The following GRID2IP variants were observed in gnomAD, a reference collection of about 807,000 sequenced individuals.
GRID2IP encodes the protein delphilin.
In GRID2IP, 78 loss-of-function variants were observed where a neutral mutation model predicts 114.3. That is an observed-to-expected ratio of 0.68 (90% CI 0.57 to 0.82). The LOEUF (loss-of-function observed/expected upper bound fraction) is 0.82, where lower values mean the gene tolerates loss of function less well. Among genes scored for constraint, GRID2IP ranks in the 40% least tolerant of loss-of-function variants. The pLI, the probability that GRID2IP is intolerant of heterozygous loss-of-function variation, is 0.00. For missense variants in GRID2IP, 1,727 were observed against 1,678.5 expected, an observed-to-expected ratio of 1.03 and a Z score of -0.51; for synonymous variants, 809 against 724.0, an observed-to-expected ratio of 1.12 and a Z score of -1.89.
rs564254806 is a variant in GRID2IP at position 6,528,653 on chromosome 7, G to A, written c.585-1884C>T. Among the ~76,000 whole-genome samples the A allele has an allele frequency of 9.9e-5, 15 of 152,258 alleles. No individual in the cohort carries two copies. In the South Asian group the frequency reaches 1.9e-3, roughly 19 times the overall value. ...ACAAACCCCTCTGAGGTGTCCCAGCGGCCCTCACACTTCCCTCCACCTCTG... is the reference window on the plus strand; with the variant it reads ...ACAAACCCCTCTGAGGTGTCCCAGCAGCCCTCACACTTCCCTCCACCTCTG... On this transcript the variant is annotated intron_variant, in intron 2 of 21. Transcript: ENST00000457091. The surrounding 1 kb of genome is among the most constrained non-coding windows in gnomAD (Gnocchi z 6.0).
In GRID2IP at chr7:6,496,964, C is replaced by A. The variant is rs1786271928; in HGVS notation, c.*810G>T. ...CACATCCCAGATTGTGTCATCTGCCCCCACACCTGCCCCGGTCTCATGACT... is the reference window on the plus strand; with the variant it reads ...CACATCCCAGATTGTGTCATCTGCCACCACACCTGCCCCGGTCTCATGACT... On this transcript the variant is annotated 3_prime_UTR_variant, in exon 22 of 22. Transcript: ENST00000457091. Among the ~76,000 whole-genome samples the A allele has an allele frequency of 6.6e-6, 1 of 152,090 alleles. No individual in the cohort carries two copies. The highest frequency in any genetic ancestry group is 1.5e-5 in the Non-Finnish European group (1 of 68,028).
chr7:6,513,511 C>T (rs1051948251), intron 8 of GRID2IP, among the ~76,000 whole-genome samples: 2 of 152,036 alleles, frequency 1.3e-5, no homozygotes, highest in African/African-American at 2.4e-5. Flanking sequence ...TGAGCCACCA[C>T]GTCCAGCCTT....
Position 6,521,578 on chromosome 7 carries a change from CCA to C in GRID2IP, c.990-57_990-56del. On this transcript the variant is annotated intron_variant, in intron 5 of 21. Coordinates refer to ENST00000457091, the MANE Select transcript of GRID2IP (RefSeq NM_001145118.2). This position sits in a 1 kb window ranked among gnomAD's most constrained non-coding sequence, Gnocchi z 4.1. ...TGACTGGGGTGAGCCCTGTCCACGGCCACCAGCCAGACCTCCCTGTCCTGCCC... is the reference window on the plus strand; with the variant it reads ...TGACTGGGGTGAGCCCTGTCCACGGCCCAGCCAGACCTCCCTGTCCTGCCC... The C allele has an allele frequency of 1.5e-6, 2 of 1,335,740 alleles. No individual in the cohort carries two copies. The highest frequency in any genetic ancestry group is 2.1e-6 in the Non-Finnish European group (2 of 973,564). The allele number at this position is 1,335,740 out of a possible 1,614,324, so 82.7% of individuals were successfully genotyped here.
At chr7:6,498,897 CTG>C (rs896756373) in intron 20 of GRID2IP, among the ~76,000 whole-genome samples, 2 of 152,064 alleles carry the variant, frequency 1.3e-5, no homozygotes, top group African/African-American at 4.8e-5. Flanking sequence ...AGGCCTTACT[CTG>C]TTTTCTAGAG....
rs145602922 is a variant in GRID2IP at position 6,505,780 on chromosome 7, G to A, written c.2632+40C>T. The A allele has an allele frequency of 1.4e-3, 1,787 of 1,314,526 alleles. 18 individuals are homozygous for A. In the African/African-American group the frequency reaches 0.023, roughly 17 times the overall value. The allele number at this position is 1,314,526 out of a possible 1,614,324, so 81.4% of individuals were successfully genotyped here. On this transcript the variant is annotated intron_variant, in intron 14 of 21. Coordinates refer to ENST00000457091, the MANE Select transcript of GRID2IP (RefSeq NM_001145118.2). ...TAAGCCTGGGGCTGCCACAGATGGT[G>A]TGGTATCTGGGGTTCCCCCAAGGCC...
Position 6,497,815 on chromosome 7 carries a change from C to G in GRID2IP, c.3595G>C (p.Gly1199Arg). 3 of 1,550,242 alleles carry G rather than the reference C, an allele frequency of 1.9e-6. No homozygotes were observed. Reference protein sequence around the residue: ...RALSDLQAGEGLRSSGMVSPL... With the variant: ...RALSDLQAGERLRSSGMVSPL... ...GAAACCATCCCGGAGCTGCGCAGGCCCTCCCCGGCCTGCAGGTCACTCAGC... is the reference window on the plus strand; with the variant it reads ...GAAACCATCCCGGAGCTGCGCAGGCGCTCCCCGGCCTGCAGGTCACTCAGC... Residue 1199 changes from glycine (G) to arginine (R), a missense_variant, in exon 22 of 22, where the codon GGC becomes CGC. Coordinates refer to ENST00000457091, the MANE Select transcript of GRID2IP (RefSeq NM_001145118.2).
intron 2 of GRID2IP, among the ~76,000 whole-genome samples, chr7:6,531,610 C>T (rs1365738109): frequency 6.6e-6 from 1 of 152,206 alleles, no homozygotes; most frequent in African/African-American, 2.4e-5. Context: ...GGGAGGGACC[C>T]ACCTCAGCCT....
rs1394665501 is a variant in GRID2IP, at chr7:6,516,119, AAT to A, written c.1269-1592_1269-1591del. 6.4e-4 allele frequency among the ~76,000 whole-genome samples: 44 copies of A among 68,450 alleles called. No homozygotes were observed. The highest frequency in any genetic ancestry group is 4.7e-3 in the East Asian group (9 of 1,904). The allele number at this position is 68,450 out of a possible 152,430, so 44.9% of individuals were successfully genotyped here. A position where few individuals can be genotyped will look rare whatever the true frequency, so the allele number is the denominator to read the frequency against. On this transcript the variant is annotated intron_variant, in intron 7 of 21. Transcript: ENST00000457091. The surrounding 1 kb of genome is among the most constrained non-coding windows in gnomAD (Gnocchi z 4.3). ...CTCAAAATAATAATAATAAAAAATAAATAAATAAATAAATAAAAATAAAGTAG... is the reference window on the plus strand; with the variant it reads ...CTCAAAATAATAATAATAAAAAATAAAAATAAATAAATAAAAATAAAGTAG...
chr7:6,550,657 C>CAAAAAAAAAAAAAAAAAAAA (rs71008400), intron 1 of GRID2IP, among the ~76,000 whole-genome samples: 1 of 97,106 alleles, frequency 1.0e-5, no homozygotes, highest in Non-Finnish European at 2.1e-5. Context: ...CTAAAAATAC[C>CAAAAAAAAAAAAAAAAAAAA]AAAAAAAAAA....
rs1786463486 is a variant in GRID2IP at position 6,503,089 on chromosome 7, C to T, written c.2982G>A (p.Glu994=). ...HFQATLQEKT[E]EIRGSLECLR... The stretch of plus-strand genomic sequence containing the variant: ...AGCATTCAAGGCTGCCTCGGATCTC[C>T]TCTGTCTTCTCCTGGAGGGTGGCCT... The change falls in exon 17 of 22, where the codon GAG becomes GAA. Residue 994 remains glutamate, a synonymous_variant. Coordinates refer to ENST00000457091, the MANE Select transcript of GRID2IP (RefSeq NM_001145118.2). 2 of 1,551,396 alleles carry T rather than the reference C, an allele frequency of 1.3e-6. No homozygotes were observed. Among genetic ancestry groups the T allele is most frequent in the East Asian group, 2.4e-5 (1 of 40,918 alleles).
At chr7:6,522,907 C>T (rs1315001664) in intron 4 of GRID2IP, among the ~76,000 whole-genome samples, 4 of 151,900 alleles carry the variant, frequency 2.6e-5, no homozygotes, top group East Asian at 1.9e-4. Flanking sequence ...TCAAGTGATC[C>T]GCCCGCCTTG....
rs892947173 is a variant in GRID2IP at position 6,506,579 on chromosome 7, C to A, written c.2545-672G>T. Among the ~76,000 whole-genome samples the A allele has an allele frequency of 6.6e-6, 1 of 152,132 alleles. No individual in the cohort carries two copies. The highest frequency in any genetic ancestry group is 1.5e-5 in the Non-Finnish European group (1 of 68,024). ...CCACCTTTGGTAACCAATGGAAGAA[C>A]CACGCTGTGGAGCAATACTTGAAGA... On this transcript the variant is annotated intron_variant, in intron 13 of 21. Transcript: ENST00000457091. The surrounding 1 kb of genome is among the most constrained non-coding windows in gnomAD (Gnocchi z 5.2).
At chr7:6,518,650 C>T (rs1010190339) in intron 7 of GRID2IP, among the ~76,000 whole-genome samples, 4 of 151,906 alleles carry the variant, frequency 2.6e-5, no homozygotes, top group Admixed American at 6.6e-5. Context: ...GCAGGAGAAT[C>T]GCTTGAACCC....
Position 6,526,375 on chromosome 7 carries a change from T to A in GRID2IP, c.834-66A>T. ...GGCCCTGGGGCGCAGAGGTTGGAGA[T>A]GTCCCGTGTCCCTCTCCCCTTAACC... On this transcript the variant is annotated intron_variant, in intron 3 of 21. Transcript: ENST00000457091. This position sits in a 1 kb window ranked among gnomAD's most constrained non-coding sequence, Gnocchi z 7.6. 4.0e-6 allele frequency: 6 copies of A among 1,500,544 alleles called. No individual in the cohort carries two copies. The highest frequency in any genetic ancestry group is 2.0e-5 in the Admixed American group (1 of 50,910). 93.0% of individuals were successfully genotyped at this position (1,500,544 alleles called of 1,614,324 possible).
At position 6,505,832 on chromosome 7, in the gene GRID2IP, G is replaced by A; in HGVS notation, c.2620C>T (p.Gln874Ter). ...YLDLELHFGTQKPAKPVPGPE... is the reference protein window; with the variant it reads ...YLDLELHFGT ...TCAGGCCACTCACTAGCAGGTTTCT[G>A]GGTGCCGAAGTGGAGCTCCAGGTCG... Residue 874 changes from glutamine to a stop codon, truncating the protein, a stop_gained, in exon 14 of 22, where the codon CAG becomes TAG. Transcript: ENST00000457091. LOFTEE classifies it high-confidence loss of function. 1 of 1,551,236 alleles carries A rather than the reference G, an allele frequency of 6.4e-7. No homozygotes were observed.
Position 6,521,956 on chromosome 7 carries a change from C to T in GRID2IP, c.921G>A (p.Gly307=). 1.3e-6 allele frequency: 2 copies of T among 1,551,052 alleles called. No individual in the cohort carries two copies. The highest frequency in any genetic ancestry group is 1.7e-6 in the Non-Finnish European group (2 of 1,146,596). ...GPVWIESVLP[G]SPADNAALKS... is the part of the protein sequence containing the mutation. Reference sequence around the variant, plus strand: ...TGAGGGCAGCATTGTCAGCTGGGCTCCCTGGAAGCAAGAAGAGAGGGTGTG... The same window carrying T: ...TGAGGGCAGCATTGTCAGCTGGGCTTCCTGGAAGCAAGAAGAGAGGGTGTG... Residue 307 remains glycine, a splice_region_variant and synonymous_variant, in exon 5 of 22, where the codon GGG becomes GGA. Coordinates refer to ENST00000457091, the MANE Select transcript of GRID2IP (RefSeq NM_001145118.2). The surrounding 1 kb of genome is among the most constrained non-coding windows in gnomAD (Gnocchi z 4.1).
At chr7:6,541,498 T>C (rs757442331) in intron 1 of GRID2IP, among the ~76,000 whole-genome samples, 6 of 152,210 alleles carry the variant, frequency 3.9e-5, no homozygotes, top group African/African-American at 7.2e-5. Flanking sequence ...TCTCCAAACT[T>C]TTGTCTTTGT....
chr7:6,540,464 A>C (rs1779796489), intron 1 of GRID2IP, among the ~76,000 whole-genome samples: 1 of 151,830 alleles, frequency 6.6e-6, no homozygotes, highest in Non-Finnish European at 1.5e-5. Context: ...GCCTGGTCGC[A>C]TGGTTAGTAT....
intron 1 of GRID2IP, among the ~76,000 whole-genome samples, chr7:6,548,577 C>A (rs1050284027): frequency 6.6e-6 from 1 of 152,210 alleles, no homozygotes; most frequent in Admixed American, 6.5e-5. Context: ...GTGGCTCACG[C>A]CTGTAATCCC....
Sources: allele counts gnomAD v4.1 joint callset (sites outside exome capture counted in the v4.1 genomes callset), GRCh38; gene constraint gnomAD v4.1.1; non-coding constraint Gnocchi (gnomAD v3.1); transcripts MANE v1.5; gene names NCBI Gene and HGNC (gene_info 2026-07-23, HGNC 2026-07-21).